BMPR1B: variants seen among roughly 807,000 people sequenced by gnomAD.
The protein encoded by BMPR1B is bone morphogenetic protein receptor type 1B.
A neutral mutation model predicts 59.1 loss-of-function variants in BMPR1B; 12 were observed. The observed-to-expected ratio is 0.20, with a 90% confidence interval of 0.13 to 0.33. BMPR1B has a LOEUF of 0.33. BMPR1B is among the 10% of genes least tolerant of loss of function. The pLI, the probability that BMPR1B is intolerant of heterozygous loss-of-function variation, is 1.00. For missense variants in BMPR1B, 550 were observed against 610.9 expected, an observed-to-expected ratio of 0.90 and a Z score of 1.05; for synonymous variants, 237 against 207.3, an observed-to-expected ratio of 1.14 and a Z score of -1.23.
chr4:95,089,111 T>C (rs571502014), intron 3 of BMPR1B, among the ~76,000 whole-genome samples: 8 of 152,298 alleles, frequency 5.3e-5, no homozygotes, highest in African/African-American at 1.9e-4. Context: ...TTAAATACAA[T>C]GTATTTATTT....
intron 2 of BMPR1B, among the ~76,000 whole-genome samples, chr4:94,923,022 C>A (rs943203402): frequency 8.5e-5 from 13 of 152,124 alleles, no homozygotes; most frequent in African/African-American, 3.1e-4. Flanking sequence ...CCCAAAGGAA[C>A]TCACATCAAA....
chr4:94,939,879 A>G (rs951089528), intron 2 of BMPR1B, among the ~76,000 whole-genome samples: 2 of 152,202 alleles, frequency 1.3e-5, no homozygotes, highest in African/African-American at 4.8e-5. Flanking sequence ...AAGGAAGTCA[A>G]GACTCATTAA....
chr4:94,940,749 T>A (rs1197505829), intron 2 of BMPR1B, among the ~76,000 whole-genome samples: 1 of 152,206 alleles, frequency 6.6e-6, no homozygotes. Flanking sequence ...CCAAGCTCTA[T>A]TACTTCTTCC....
intron 1 of BMPR1B, among the ~76,000 whole-genome samples, chr4:94,762,847 C>A (rs1010948303): frequency 7.6e-5 from 11 of 145,536 alleles, no homozygotes; most frequent in African/African-American, 2.1e-4. Flanking sequence ...GGAGTTGAAT[C>A]ATCAGTTTTT....
At chr4:95,038,625 A>G (rs1725432561) in intron 3 of BMPR1B, among the ~76,000 whole-genome samples, 1 of 152,214 alleles carries the variant, frequency 6.6e-6, no homozygotes, top group African/African-American at 2.4e-5. Context: ...CAATTTGTCA[A>G]TTTCTGATTA....
intron 1 of BMPR1B, among the ~76,000 whole-genome samples, chr4:94,760,112 T>C (rs931756853): frequency 2.6e-5 from 4 of 152,186 alleles, no homozygotes; most frequent in African/African-American, 9.7e-5. Context: ...TGGCACTGAT[T>C]TGTGTTTTTA....
At chr4:95,079,503 A>G (rs560036956) in intron 3 of BMPR1B, among the ~76,000 whole-genome samples, 7 of 152,346 alleles carry the variant, frequency 4.6e-5, no homozygotes, top group East Asian at 3.9e-4. Context: ...GAGCTTCTCT[A>G]TTTAATAATT....
intron 1 of BMPR1B, among the ~76,000 whole-genome samples, chr4:94,843,736 C>G (rs1026861606): frequency 8.5e-6 from 1 of 118,302 alleles, no homozygotes; most frequent in African/African-American, 3.1e-5. Context: ...ATGAATTTTA[C>G]TTTTATTTTG....
intron 1 of BMPR1B, among the ~76,000 whole-genome samples, chr4:94,772,318 C>A (rs1722215346): frequency 6.6e-6 from 1 of 152,092 alleles, no homozygotes; most frequent in Non-Finnish European, 1.5e-5. Context: ...TAGCAAAATG[C>A]AGAAGGGCCT....
intron 3 of BMPR1B, among the ~76,000 whole-genome samples, chr4:95,023,678 C>T (rs557941040): frequency 6.6e-6 from 1 of 152,288 alleles, no homozygotes; most frequent in South Asian, 2.1e-4. Flanking sequence ...TGAGCCACCG[C>T]ATGCAGCCTC....
intron 8 of BMPR1B, among the ~76,000 whole-genome samples, chr4:95,128,303 C>A (rs954585452): frequency 2.6e-5 from 4 of 152,094 alleles, no homozygotes; most frequent in African/African-American, 9.7e-5. Context: ...CTTAAAAGTA[C>A]AAAAAGAAAA....
At chr4:94,814,080 A>C (rs901760630) in intron 1 of BMPR1B, among the ~76,000 whole-genome samples, 3 of 152,196 alleles carry the variant, frequency 2.0e-5, no homozygotes, top group Admixed American at 2.0e-4. Flanking sequence ...ATATTTGAGA[A>C]AAATAGGATT....
intron 1 of BMPR1B, among the ~76,000 whole-genome samples, chr4:94,856,457 GT>G (rs1560517744): frequency 6.6e-6 from 1 of 152,140 alleles, no homozygotes; most frequent in Non-Finnish European, 1.5e-5. Context: ...AAAGGAGGGG[GT>G]TTCCTCCTGT....
At chr4:94,891,214 A>G (rs1283703957) in intron 2 of BMPR1B, among the ~76,000 whole-genome samples, 4 of 152,098 alleles carry the variant, frequency 2.6e-5, no homozygotes, top group East Asian at 1.9e-4. Flanking sequence ...CTTTCCCACT[A>G]TACATTCCAC....
chr4:95,002,445 G>A (rs746163130), intron 3 of BMPR1B, among the ~76,000 whole-genome samples: 2 of 152,164 alleles, frequency 1.3e-5, no homozygotes, highest in African/African-American at 2.4e-5. Context: ...GAACATATGA[G>A]TGCATGTGTC....
chr4:94,937,729 CACACACACAG>C (rs1560556687), intron 2 of BMPR1B, among the ~76,000 whole-genome samples: 1 of 113,326 alleles, frequency 8.8e-6, no homozygotes, highest in Admixed American at 8.9e-5. Context: ...GACACACACA[CACACACACAG>C]ACACACACAA....
chr4:95,123,960 A>G, intron 7 of BMPR1B, 54 bp downstream of exon 7: 2 of 1,258,710 alleles, frequency 1.6e-6, no homozygotes, highest in Admixed American at 1.7e-5. Context: ...TCTTCTTTTT[A>G]CTAATATTCT....
At chr4:94,958,958 T>C (rs1224616020) in intron 2 of BMPR1B, among the ~76,000 whole-genome samples, 2 of 152,096 alleles carry the variant, frequency 1.3e-5, no homozygotes, top group Non-Finnish European at 2.9e-5. Context: ...AATCTTGATT[T>C]GGAATGAGCA....
At chr4:94,963,812 C>G (rs191619794) in intron 2 of BMPR1B, among the ~76,000 whole-genome samples, 1 of 151,798 alleles carries the variant, frequency 6.6e-6, no homozygotes, top group African/African-American at 2.4e-5. Flanking sequence ...TTTCGCTATT[C>G]TAGGTCTTTT....
Sources: allele counts gnomAD v4.1 joint callset (sites outside exome capture counted in the v4.1 genomes callset), GRCh38; gene constraint gnomAD v4.1.1; transcripts MANE v1.5; gene names NCBI Gene and HGNC (gene_info 2026-07-23, HGNC 2026-07-21).